Variants in EDARADD observed in about 807,000 individuals in gnomAD.
The protein encoded by EDARADD is ectodysplasin-A receptor-associated adapter protein.
A neutral mutation model predicts 25.6 loss-of-function variants in EDARADD; 20 were observed. The observed-to-expected ratio is 0.78, with a 90% CI of 0.55 to 1.14. The LOEUF (loss-of-function observed/expected upper bound fraction) is 1.14. EDARADD is among the 50% of genes most tolerant of loss of function. The pLI is 0.00. For synonymous variants in EDARADD, 86 were observed against 94.4 expected (o/e 0.91, Z 0.52); for missense variants, 225 against 270.1 (o/e 0.83, Z 1.17).
chr1:236,404,062 C>T (rs538031315), intron 1 of EDARADD, among the ~76,000 whole-genome samples: 6 of 152,292 alleles, frequency 3.9e-5, no homozygotes, highest in South Asian at 2.1e-4. Flanking sequence ...GGACAGATCC[C>T]GCACCGGCCC....
At chr1:236,378,119 T>C (rs1021216647) in intron 3 of EDARADD, among the ~76,000 whole-genome samples, 2 of 152,038 alleles carry the variant, frequency 1.3e-5, no homozygotes, top group African/African-American at 2.4e-5. Context: ...CCCCTTTAGG[T>C]GGGATCTGAT....
intron 1 of EDARADD, among the ~76,000 whole-genome samples, chr1:236,408,431 T>C (rs1354153612): frequency 5.3e-5 from 8 of 152,152 alleles, no homozygotes. Context: ...CTTGAACTCC[T>C]GACCTCAGGT....
In EDARADD at chr1:236,481,825, AT is replaced by A. The variant is rs539525032; in HGVS notation, c.266-440del. The stretch of plus-strand genomic sequence containing the variant: ...CAGTAACACATTATTAGAAATGAGC[AT>A]TCTGAGGCCAGGCACGGTGGCTCAT... On this transcript the variant is annotated intron_variant, in intron 5 of 5. Transcript: ENST00000334232. Among the ~76,000 whole-genome samples the A allele has an allele frequency of 1.1e-4, 16 of 150,114 alleles. No homozygotes were observed. In the East Asian group the frequency reaches 3.1e-3, roughly 29 times the overall value.
intron 4 of EDARADD, among the ~76,000 whole-genome samples, chr1:236,432,906 T>C (rs1457510770): frequency 6.7e-6 from 1 of 148,902 alleles, no homozygotes; most frequent in African/African-American, 2.5e-5. Context: ...CACTCCAGCA[T>C]GGATGACAGA....
intron 4 of EDARADD, among the ~76,000 whole-genome samples, chr1:236,444,662 G>A (rs374632379): frequency 2.0e-5 from 3 of 152,168 alleles, no homozygotes; most frequent in African/African-American, 7.2e-5. Flanking sequence ...GACCTCAGGT[G>A]ATCCGCCCAA....
chr1:236,447,257 T>G (rs944214774), intron 4 of EDARADD, among the ~76,000 whole-genome samples: 1 of 147,898 alleles, frequency 6.8e-6, no homozygotes, highest in Admixed American at 6.9e-5. Flanking sequence ...CTTTCCTTTC[T>G]TTCTTTCTTT....
chr1:236,376,123 C>G (rs111251700), intron 3 of EDARADD, among the ~76,000 whole-genome samples: 1 of 151,742 alleles, frequency 6.6e-6, no homozygotes, highest in Non-Finnish European at 1.5e-5. Flanking sequence ...TTAGTAGAGA[C>G]GGGGTTTCAC....
In EDARADD at chr1:236,484,170, A is replaced by G; in HGVS notation, c.*1521A>G. On this transcript the variant is annotated 3_prime_UTR_variant, in exon 6 of 6. Transcript: ENST00000334232. The surrounding 1 kb of genome is among the most constrained non-coding windows in gnomAD (Gnocchi z 4.1). Reference sequence around the variant, plus strand: ...GACAGCCTCGGCCGTGAATGAGAAGAAGTGCAACTGCCTCCTGCTCAAAGT... The same window carrying G: ...GACAGCCTCGGCCGTGAATGAGAAGGAGTGCAACTGCCTCCTGCTCAAAGT... The G allele has an allele frequency of 2.5e-6, 3 of 1,214,208 alleles. No individual in the cohort carries two copies. The Admixed American group carries it at 5.1e-5, about 20-fold the overall frequency. The allele number at this position is 1,214,208 out of a possible 1,614,324, so 75.2% of individuals were successfully genotyped here.
Position 236,394,478 on chromosome 1 carries a change from G to C in EDARADD, c.34G>C (p.Gly12Arg). ...CAGGACGACTAAACAGATGGGGAGA[G>C]GCACTAAAGCTCCTGGTCACCAAGA... ...GLRTTKQMGR[G>R]TKAPGHQEDH... The change falls in exon 1 of 6, where the codon GGC becomes CGC. Residue 12 changes from glycine to arginine, a missense_variant. Physicochemically the swap from Gly to Arg is moderately radical, Grantham distance 125. Transcript: ENST00000334232. The C allele has an allele frequency of 6.2e-7, 1 of 1,614,108 alleles. No homozygotes were observed. Among genetic ancestry groups the C allele is most frequent in the Non-Finnish European group, 8.5e-7 (1 of 1,180,000 alleles).
At chr1:236,416,084 C>T (rs1171535277) in intron 3 of EDARADD, among the ~76,000 whole-genome samples, 1 of 152,220 alleles carries the variant, frequency 6.6e-6, no homozygotes, top group Non-Finnish European at 1.5e-5. Context: ...CCTGAAATGA[C>T]ACCATTAGAG....
chr1:236,415,474 T>C (rs1477512915), intron 3 of EDARADD, among the ~76,000 whole-genome samples: 1 of 152,158 alleles, frequency 6.6e-6, no homozygotes, highest in Non-Finnish European at 1.5e-5. Context: ...AGACAGAGTT[T>C]CACTCTTGTT....
At chr1:236,418,126 T>C (rs1657689033) in intron 3 of EDARADD, among the ~76,000 whole-genome samples, 1 of 149,496 alleles carries the variant, frequency 6.7e-6, no homozygotes, top group African/African-American at 2.5e-5. Flanking sequence ...GCTAATTTTT[T>C]GTATTTTTAG....
At chr1:236,356,823 C>A (rs652903) in intron 3 of EDARADD, among the ~76,000 whole-genome samples, 36,190 of 151,944 alleles carry the variant, frequency 0.24, 4,441 homozygotes, top group East Asian at 0.38. Context: ...GTGGCTCACA[C>A]CTGTAATCCC....
upstream of EDARADD, among the ~76,000 whole-genome samples, chr1:236,393,469 T>C (rs4659668): frequency 0.78 from 115,029 of 147,168 alleles, 45,936 homozygotes; most frequent in East Asian, 0.92. Context: ...AATCTCAGCT[T>C]ACTGCAACCT....
intron 1 of EDARADD, among the ~76,000 whole-genome samples, chr1:236,408,375 G>A (rs1667774730): frequency 2.0e-5 from 3 of 151,998 alleles, no homozygotes; most frequent in South Asian, 4.2e-4. Context: ...GCTAATTTTT[G>A]TATTTTTAGT....
intron 1 of EDARADD, among the ~76,000 whole-genome samples, chr1:236,405,150 T>G (rs563740261): frequency 6.6e-6 from 1 of 152,238 alleles, no homozygotes; most frequent in South Asian, 2.1e-4. Context: ...CTCTAACACC[T>G]GTTCTAAAAG....
chr1:236,464,955 A>G (rs1312852745), intron 4 of EDARADD, among the ~76,000 whole-genome samples: 1 of 152,078 alleles, frequency 6.6e-6, no homozygotes, highest in Non-Finnish European at 1.5e-5. Context: ...AGGGACCAGG[A>G]CCATGCATTC....
intron 3 of EDARADD, among the ~76,000 whole-genome samples, chr1:236,389,262 G>A (rs373875236): frequency 1.3e-5 from 2 of 152,210 alleles, no homozygotes; most frequent in East Asian, 3.9e-4. Flanking sequence ...AGTGCCCTCT[G>A]CACAGCCACA....
chr1:236,482,114 C>CAA (rs374553103), intron 5 of EDARADD, among the ~76,000 whole-genome samples, 153 bp from the exon 6 acceptor site: 10 of 73,306 alleles, frequency 1.4e-4, no homozygotes, highest in African/African-American at 3.8e-4. Context: ...GACTCCATCT[C>CAA]AAAAAAAAAA....
Sources: gnomAD v4.1 joint callset for allele counts (sites outside exome capture counted in the v4.1 genomes callset) on GRCh38, gnomAD v4.1.1 for gene constraint, Gnocchi (gnomAD v3.1) non-coding constraint, MANE v1.5 for transcripts, NCBI Gene and HGNC (gene_info 2026-07-23, HGNC 2026-07-21) for gene names.